SUZ12: variants seen among roughly 807,000 people sequenced by gnomAD.
The protein encoded by SUZ12 is SUZ12 polycomb repressive complex 2 subunit, also known as polycomb protein SUZ12.
In SUZ12, 17 loss-of-function variants were observed where a neutral mutation model predicts 87.3. The observed-to-expected ratio is 0.19, with a 90% CI of 0.13 to 0.29. The LOEUF is 0.29. Ranked by LOEUF, SUZ12 falls within the 10% of genes least tolerant of loss-of-function variation. The pLI is 1.00. For synonymous variants in SUZ12, 253 were observed against 312.4 expected, an observed-to-expected ratio of 0.81 and a Z score of 2.01; for missense variants, 526 against 912.2, an observed-to-expected ratio of 0.58 and a Z score of 5.45.
intron 4 of SUZ12, among the ~76,000 whole-genome samples, chr17:31,949,844 C>G (rs1328163623): frequency 6.6e-6 from 1 of 151,500 alleles, no homozygotes; most frequent in Non-Finnish European, 1.5e-5. Flanking sequence ...CCACCACACC[C>G]AGCTGATTTT....
At chr17:31,952,791 G>C (rs1907066642) in intron 4 of SUZ12, among the ~76,000 whole-genome samples, 1 of 152,114 alleles carries the variant, frequency 6.6e-6, no homozygotes, top group Non-Finnish European at 1.5e-5. Flanking sequence ...TTGAACTCCT[G>C]ACCTCAAGTG....
At chr17:31,992,918 G>T (rs1391179753) in intron 10 of SUZ12, among the ~76,000 whole-genome samples, 1 of 151,664 alleles carries the variant, frequency 6.6e-6, no homozygotes. Context: ...CGTTGGGCAG[G>T]CTGGTCTCTA....
At chr17:31,982,564 C>T (rs1909176835) in intron 8 of SUZ12, among the ~76,000 whole-genome samples, 1 of 152,122 alleles carries the variant, frequency 6.6e-6, no homozygotes. Flanking sequence ...GAGGCTGAGG[C>T]AGGAGAATCG....
At chr17:31,962,286 T>A (rs1387249667) in intron 4 of SUZ12, among the ~76,000 whole-genome samples, 1 of 151,452 alleles carries the variant, frequency 6.6e-6, no homozygotes, top group Non-Finnish European at 1.5e-5. Context: ...AAAAAAAAAA[T>A]AATTGAATTA....
intron 15 of SUZ12, 104 bp from the exon 16 acceptor site, chr17:31,998,552 CTT>C: frequency 1.3e-6 from 1 of 762,402 alleles, no homozygotes; most frequent in Non-Finnish European, 1.9e-6. Flanking sequence ...CTTTAATCAT[CTT>C]TTATTTTACT....
chr17:31,943,118 A>G (rs1402071070), intron 3 of SUZ12, among the ~76,000 whole-genome samples: 1 of 152,232 alleles, frequency 6.6e-6, no homozygotes, highest in Non-Finnish European at 1.5e-5. Context: ...GCAAGTTTGC[A>G]TTGCAGTTAA....
rs756086163 is a variant in SUZ12 at position 31,993,858 on chromosome 17, T to G, written c.1294-7T>G. ...GAGATTTGCTTTTTTTTTTTAATTGTTTTTAGTTTCTCTATAACAACAATA... is the reference window on the plus strand; with the variant it reads ...GAGATTTGCTTTTTTTTTTTAATTGGTTTTAGTTTCTCTATAACAACAATA... On this transcript the variant is annotated splice_region_variant and splice_polypyrimidine_tract_variant and intron_variant, in intron 11 of 15. Transcript: ENST00000322652. 38 of 1,586,832 alleles carry G rather than the reference T, an allele frequency of 2.4e-5. No individual in the cohort carries two copies. Among genetic ancestry groups the G allele is most frequent in the Non-Finnish European group, 3.2e-5 (38 of 1,172,652 alleles).
At chr17:31,979,840 T>G (rs766711937) in intron 8 of SUZ12, among the ~76,000 whole-genome samples, 1 of 152,192 alleles carries the variant, frequency 6.6e-6, no homozygotes, top group Non-Finnish European at 1.5e-5. Context: ...CCCAATAGTT[T>G]TAGCATTGAT....
intron 8 of SUZ12, among the ~76,000 whole-genome samples, chr17:31,981,211 A>G (rs1315710320): frequency 6.6e-6 from 1 of 152,240 alleles, no homozygotes; most frequent in East Asian, 1.9e-4. Context: ...CTTGTCTTTC[A>G]GGTAGATGTC....
intron 3 of SUZ12, among the ~76,000 whole-genome samples, chr17:31,941,855 T>A (rs1449449098): frequency 2.1e-5 from 3 of 144,246 alleles, no homozygotes; most frequent in African/African-American, 5.2e-5. Flanking sequence ...AGCCTGACCT[T>A]CTTTTTCTTT....
intron 5 of SUZ12, chr17:31,966,412 A>C: frequency 2.1e-6 from 1 of 477,552 alleles, no homozygotes; most frequent in East Asian, 3.9e-5. Context: ...CAATGTTATG[A>C]TCTTGGCTGA....
At chr17:31,986,014 G>A (rs1909396788) in intron 9 of SUZ12, among the ~76,000 whole-genome samples, 1 of 151,804 alleles carries the variant, frequency 6.6e-6, no homozygotes, top group African/African-American at 2.4e-5. Flanking sequence ...GTCACCCAGA[G>A]GTGGAGTGCA....
chr17:31,937,942 G>A (rs1428077344), intron 1 of SUZ12, among the ~76,000 whole-genome samples: 1 of 142,564 alleles, frequency 7.0e-6, no homozygotes, highest in East Asian at 2.0e-4. Context: ...GAAGGGATGA[G>A]TGCAGTGGAA....
At chr17:31,941,404 C>T (rs1906273241) in intron 3 of SUZ12, among the ~76,000 whole-genome samples, 1 of 151,962 alleles carries the variant, frequency 6.6e-6, no homozygotes, top group Non-Finnish European at 1.5e-5. Flanking sequence ...TTACAGGCGC[C>T]TGCCACCACA....
intron 4 of SUZ12, 129 bp from the exon 5 acceptor site, chr17:31,966,018 A>G (rs1908065093): frequency 1.3e-6 from 1 of 780,862 alleles, no homozygotes; most frequent in Non-Finnish European, 2.0e-6. Context: ...ATGGGCCTGA[A>G]TAACAGTTGA....
At chr17:31,979,279 C>T (rs1186907075) in intron 8 of SUZ12, among the ~76,000 whole-genome samples, 1 of 152,006 alleles carries the variant, frequency 6.6e-6, no homozygotes, top group African/African-American at 2.4e-5. Flanking sequence ...TGAAAGTTTG[C>T]TTTATTCCTC....
intron 13 of SUZ12, among the ~76,000 whole-genome samples, chr17:31,995,005 A>G (rs1359556006): frequency 2.0e-5 from 3 of 152,196 alleles, no homozygotes; most frequent in Admixed American, 6.5e-5. Context: ...AAGTTTCTGG[A>G]TAATTGGTTG....
intron 5 of SUZ12, among the ~76,000 whole-genome samples, chr17:31,969,804 T>C (rs1234868712): frequency 6.6e-6 from 1 of 152,162 alleles, no homozygotes; most frequent in African/African-American, 2.4e-5. Context: ...GAGGCTGAGC[T>C]GGGAGGTTTG....
chr17:31,985,704 C>T (rs1248858644), intron 9 of SUZ12, among the ~76,000 whole-genome samples: 1 of 151,440 alleles, frequency 6.6e-6, no homozygotes, highest in South Asian at 2.1e-4. Context: ...ACTCTGTCAC[C>T]CAGGCTGGAG....
Sources: allele counts gnomAD v4.1 joint callset (sites outside exome capture counted in the v4.1 genomes callset), GRCh38; gene constraint gnomAD v4.1.1; transcripts MANE v1.5; gene names NCBI Gene and HGNC (gene_info 2026-07-23, HGNC 2026-07-21).